THAP3: variants seen among roughly 807,000 people sequenced by gnomAD.
The protein encoded by THAP3 is THAP domain-containing protein 3.
THAP3 carries 12 observed loss-of-function variants against 17.7 expected under a neutral mutation model. The ratio of observed to expected loss-of-function variants is 0.68; its 90% CI spans 0.43 to 1.10. The LOEUF (loss-of-function observed/expected upper bound fraction) is 1.10. Among genes scored for constraint, THAP3 ranks in the 50% least tolerant of loss-of-function variants. THAP3 has a pLI of 0.00. For missense variants in THAP3, 289 were observed against 318.0 expected (o/e 0.91, Z 0.69); for synonymous variants, 133 against 126.9 (o/e 1.05, Z -0.32).
chr1:6,629,407 A>G (rs1484043446), intron 3 of THAP3, among the ~76,000 whole-genome samples: 1 of 152,188 alleles, frequency 6.6e-6, no homozygotes, highest in Non-Finnish European at 1.5e-5. Context: ...ACACGCCCAG[A>G]GCGGCCGCCT....
chr1:6,633,203 G>A lies in THAP3; in HGVS notation c.*126G>A, dbSNP rs986037557. On this transcript the variant is annotated 3_prime_UTR_variant, in exon 6 of 6. Coordinates refer to ENST00000054650, the MANE Select transcript of THAP3 (RefSeq NM_001195753.2). ...AGTTGGCCATGAGGCCTGCTTGGCC[G>A]GGGATCGAGACAGTAGCCAAGCTCC... 30 of 1,458,920 alleles carry A rather than the reference G, an allele frequency of 2.1e-5. No individual in the cohort carries two copies. The South Asian group carries it at 2.6e-4, about 13-fold the overall frequency. 90.4% of individuals were successfully genotyped at this position (1,458,920 alleles called of 1,614,324 possible). A position where few individuals can be genotyped will look rare whatever the true frequency, so the allele number is the denominator to read the frequency against.
chr1:6,635,430 C>G (rs141670351), downstream of THAP3: 35 of 497,752 alleles, frequency 7.0e-5, no homozygotes, highest in Non-Finnish European at 1.2e-4. Flanking sequence ...AGGAACTGAT[C>G]CTTGGGAAAA....
chr1:6,629,070 T>G (rs1335722867), intron 3 of THAP3, among the ~76,000 whole-genome samples: 1 of 152,134 alleles, frequency 6.6e-6, no homozygotes, highest in Admixed American at 6.6e-5. Context: ...GGTGTGTTGG[T>G]GGGCACCTGT....
downstream of THAP3, chr1:6,634,950 C>A: frequency 9.5e-7 from 1 of 1,054,436 alleles, no homozygotes; most frequent in Non-Finnish European, 1.2e-6. Context: ...CTCAAGCCCG[C>A]TGGTGGCAGG....
chr1:6,630,114 C>T (rs1337393344), intron 3 of THAP3, among the ~76,000 whole-genome samples, 174 bp from the exon 4 acceptor site: 3 of 152,364 alleles, frequency 2.0e-5, no homozygotes, highest in East Asian at 1.9e-4. Flanking sequence ...AAGAGAAGCG[C>T]ACCAAGCGGG....
chr1:6,629,478 C>T (rs530481754), intron 3 of THAP3, among the ~76,000 whole-genome samples: 19 of 152,344 alleles, frequency 1.2e-4, no homozygotes, highest in African/African-American at 4.3e-4. Context: ...ATGCAGTCTG[C>T]CTGAACCTCT....
downstream of THAP3, chr1:6,634,174 T>G: frequency 1.5e-6 from 2 of 1,300,162 alleles, no homozygotes; most frequent in Non-Finnish European, 1.1e-6. Context: ...AGCCTCTGCT[T>G]TCAGGAAAGG....
chr1:6,625,098 G>C, intron 1 of THAP3, 52 bp from the exon 2 acceptor site: 3 of 1,161,832 alleles, frequency 2.6e-6, no homozygotes, highest in East Asian at 5.9e-5. Flanking sequence ...GCGCGCCCTG[G>C]AGGCGAGCCA....
intron 4 of THAP3, 148 bp downstream of exon 4, chr1:6,630,501 C>A: frequency 1.4e-6 from 1 of 715,772 alleles, no homozygotes; most frequent in Non-Finnish European, 2.4e-6. Context: ...GGAGGGAAGG[C>A]CCAAGCCTCT....
chr1:6,625,313 G>C, intron 2 of THAP3, 21 bp downstream of exon 2: 1 of 1,524,354 alleles, frequency 6.6e-7, no homozygotes, highest in Non-Finnish European at 8.8e-7. Flanking sequence ...GGGACCCGGG[G>C]GCGCGGGAGG....
chr1:6,625,991 TC>T (rs1055423530), intron 2 of THAP3, among the ~76,000 whole-genome samples: 1 of 152,168 alleles, frequency 6.6e-6, no homozygotes, highest in African/African-American at 2.4e-5. Flanking sequence ...CAGCGAGTTT[TC>T]CCCAAGTGAA....
downstream of THAP3, chr1:6,634,621 T>G: frequency 7.3e-7 from 1 of 1,366,464 alleles, no homozygotes; most frequent in Non-Finnish European, 9.8e-7. Context: ...TCACGTAACT[T>G]TACTGCAGCC....
rs951015076 is a variant in THAP3, at chr1:6,625,132, C to T, written c.-69-18C>T. 3 of 1,405,166 alleles carry T rather than the reference C, an allele frequency of 2.1e-6. No homozygotes were observed. The highest frequency in any genetic ancestry group is 2.1e-5 in the Admixed American group (1 of 48,054). The allele number at this position is 1,405,166 out of a possible 1,614,324, so 87.0% of individuals were successfully genotyped here. A position where few individuals can be genotyped will look rare whatever the true frequency, so the allele number is the denominator to read the frequency against. The stretch of plus-strand genomic sequence containing the variant: ...CAGGCCCGTCACCACCTCCCAGCGG[C>T]CCCGCCCCTCCCCGCAGGTCCCTCC... On this transcript the variant is annotated intron_variant, in intron 1 of 5. Coordinates refer to ENST00000054650, the MANE Select transcript of THAP3 (RefSeq NM_001195753.2).
chr1:6,625,311 G>GGGGCGCGGGAGGCCC lies in THAP3; in HGVS notation c.74+20_74+34dup, dbSNP rs1641434205. Reference sequence around the variant, plus strand: ...TCCACCGGTAAGAGGCGGGGACCCGGGGGCGCGGGAGGCCCAGACCCGGGG... The same window carrying GGGGCGCGGGAGGCCC: ...TCCACCGGTAAGAGGCGGGGACCCGGGGGCGCGGGAGGCCCGGGCGCGGGAGGCCCAGACCCGGGG... On this transcript the variant is annotated intron_variant, in intron 2 of 5. Transcript: ENST00000054650. The GGGGCGCGGGAGGCCC allele has an allele frequency of 6.6e-7, 1 of 1,525,376 alleles. No individual in the cohort carries two copies. Among genetic ancestry groups the GGGGCGCGGGAGGCCC allele is most frequent in the Non-Finnish European group, 8.8e-7 (1 of 1,138,698 alleles). The allele number at this position is 1,525,376 out of a possible 1,614,324, so 94.5% of individuals were successfully genotyped here.
downstream of THAP3, chr1:6,633,995 A>G: frequency 1.2e-6 from 2 of 1,608,008 alleles, no homozygotes; most frequent in Non-Finnish European, 1.7e-6. Context: ...CTGATTTCCT[A>G]ACTTGGGGTC....
chr1:6,634,509 C>G (rs767236783), downstream of THAP3: 1 of 1,351,500 alleles, frequency 7.4e-7, no homozygotes, highest in Non-Finnish European at 9.9e-7. Context: ...AGCTTGGGGC[C>G]CCCCGCGCCA....
chr1:6,625,218 G>C lies in THAP3; in HGVS notation c.-1G>C, dbSNP rs1194352165. ...TTGGGGGCAGCCAGGCCTGGCTCGAGATGCCGAAGTCGTGCGCGGCCCGGC... is the reference window on the plus strand; with the variant it reads ...TTGGGGGCAGCCAGGCCTGGCTCGACATGCCGAAGTCGTGCGCGGCCCGGC... On this transcript the variant is annotated 5_prime_UTR_variant, in exon 2 of 6. Coordinates refer to ENST00000054650, the MANE Select transcript of THAP3 (RefSeq NM_001195753.2). The C allele has an allele frequency of 6.5e-7, 1 of 1,542,168 alleles. No homozygotes were observed. Among genetic ancestry groups the C allele is most frequent in the African/African-American group, 1.4e-5 (1 of 71,904 alleles).
At chr1:6,628,713 C>T (rs1195672144) in intron 3 of THAP3, 22 bp downstream of exon 3, 8 of 1,602,004 alleles carry the variant, frequency 5.0e-6, no homozygotes, top group South Asian at 1.1e-5. Context: ...CTGCACCTTC[C>T]GTCTGGTCAC....
intron 5 of THAP3, 142 bp downstream of exon 5, chr1:6,632,637 A>G: frequency 7.0e-7 from 1 of 1,437,700 alleles, no homozygotes; most frequent in Non-Finnish European, 9.5e-7. Context: ...CCCCAGTCAA[A>G]TTCTCCACCA....
Sources: allele counts gnomAD v4.1 joint callset (sites outside exome capture counted in the v4.1 genomes callset), GRCh38; gene constraint gnomAD v4.1.1; transcripts MANE v1.5; gene names NCBI Gene and HGNC (gene_info 2026-07-23, HGNC 2026-07-21).